Variants in PRKG1 observed in about 807,000 individuals in gnomAD.
PRKG1 encodes the protein cGMP-dependent protein kinase 1.
In PRKG1, 35 loss-of-function variants were observed where a neutral mutation model predicts 88.1. That is an observed-to-expected ratio of 0.40 (90% CI 0.30 to 0.53). The LOEUF is 0.53. Among genes scored for constraint, PRKG1 ranks in the 20% least tolerant of loss-of-function variants. The pLI, the probability that PRKG1 is intolerant of heterozygous loss-of-function variation, is 0.59. For synonymous variants in PRKG1, 303 were observed against 292.5 expected (o/e 1.04, Z -0.37); for missense variants, 540 against 839.8 (o/e 0.64, Z 4.41).
chr10:51,304,072 G>A (rs1840967708), intron 2 of PRKG1, among the ~76,000 whole-genome samples: 1 of 151,950 alleles, frequency 6.6e-6, no homozygotes, highest in South Asian at 2.1e-4. Flanking sequence ...TGCCCACCTC[G>A]GCCTCCCAAA....
chr10:51,938,050 A>G (rs574399079), intron 5 of PRKG1, among the ~76,000 whole-genome samples: 2 of 152,092 alleles, frequency 1.3e-5, no homozygotes, highest in African/African-American at 4.8e-5. Flanking sequence ...ATCTAAAATC[A>G]CCTGAAGCAG....
intron 5 of PRKG1, among the ~76,000 whole-genome samples, chr10:52,005,764 C>T (rs1457132525): frequency 6.6e-6 from 1 of 152,070 alleles, no homozygotes; most frequent in Non-Finnish European, 1.5e-5. Flanking sequence ...CCAATCTTAC[C>T]TCCCATAGCC....
At chr10:51,380,840 C>T (rs56293843) in intron 2 of PRKG1, among the ~76,000 whole-genome samples, 5 of 152,098 alleles carry the variant, frequency 3.3e-5, no homozygotes, top group African/African-American at 1.2e-4. Flanking sequence ...GAAACTTAGG[C>T]GACGTCCAGG....
chr10:51,507,335 T>A (rs2132053451), intron 3 of PRKG1, among the ~76,000 whole-genome samples: 1 of 151,932 alleles, frequency 6.6e-6, no homozygotes, highest in South Asian at 2.1e-4. Flanking sequence ...AAAAAAGAAT[T>A]CAGAATTGGG....
intron 2 of PRKG1, among the ~76,000 whole-genome samples, chr10:51,459,948 A>T (rs1839703043): frequency 6.6e-6 from 1 of 152,154 alleles, no homozygotes; most frequent in Non-Finnish European, 1.5e-5. Context: ...AGTTAATATG[A>T]TAAATAGTGG....
At chr10:51,184,511 A>C (rs368217378) in intron 2 of PRKG1, among the ~76,000 whole-genome samples, 19 of 152,320 alleles carry the variant, frequency 1.2e-4, no homozygotes, top group East Asian at 1.2e-3. Flanking sequence ...AGCCATGGTA[A>C]TTTAGAAGAA....
In PRKG1 at chr10:51,968,794, G is replaced by A. The variant is rs1420871217; in HGVS notation, c.762+61224G>A. On this transcript the variant is annotated intron_variant, in intron 5 of 17. Transcript: ENST00000373980. Reference sequence around the variant, plus strand: ...GCCAAGATCATGCCACTGCACTCCAGCCTGAGCGACAGAGCAAAACTCCAT... The same window carrying A: ...GCCAAGATCATGCCACTGCACTCCAACCTGAGCGACAGAGCAAAACTCCAT... Among the ~76,000 whole-genome samples, 8 of 141,392 alleles carry A rather than the reference G, an allele frequency of 5.7e-5. No individual in the cohort carries two copies. In the East Asian group the frequency reaches 1.5e-3, roughly 26 times the overall value. 92.8% of individuals were successfully genotyped at this position (141,392 alleles called of 152,430 possible).
intron 1 of PRKG1, among the ~76,000 whole-genome samples, chr10:51,075,449 A>G (rs1843924485): frequency 6.6e-6 from 1 of 152,268 alleles, no homozygotes; most frequent in Non-Finnish European, 1.5e-5. Context: ...GCAAATAGGC[A>G]TAGAAAAAGG....
chr10:51,581,423 A>G (rs1043328304), intron 3 of PRKG1, among the ~76,000 whole-genome samples: 1 of 152,158 alleles, frequency 6.6e-6, no homozygotes, highest in Non-Finnish European at 1.5e-5. Context: ...GAGGCCTAGA[A>G]TAGCCATGGC....
chr10:51,980,144 C>T (rs563452920), intron 5 of PRKG1, among the ~76,000 whole-genome samples: 1 of 152,088 alleles, frequency 6.6e-6, no homozygotes, highest in South Asian at 2.1e-4. Context: ...CTTAAGACTG[C>T]CTTACCTGTG....
chr10:52,052,582 A>T (rs1846014715), intron 5 of PRKG1, among the ~76,000 whole-genome samples: 1 of 152,052 alleles, frequency 6.6e-6, no homozygotes, highest in Admixed American at 6.6e-5. Context: ...TGGACTCAAC[A>T]TTCCACATGG....
chr10:52,208,613 C>T (rs982190308), intron 9 of PRKG1, among the ~76,000 whole-genome samples: 1 of 152,134 alleles, frequency 6.6e-6, no homozygotes, highest in Non-Finnish European at 1.5e-5. Context: ...CACTTACACG[C>T]CATTAATGTT....
rs186927019 is a variant in PRKG1, at chr10:51,120,356, C to T, written c.312-32808C>T. Among the ~76,000 whole-genome samples the T allele has an allele frequency of 4.2e-3, 645 of 152,154 alleles. 1 individual carries two copies. The highest frequency in any genetic ancestry group is 5.1e-3 in the Non-Finnish European group (347 of 68,010). On this transcript the variant is annotated intron_variant, in intron 1 of 17. Transcript: ENST00000373980. ...GCCCAAATCACAACAAACTACAAGGCCCCCTGTGAAGAGGAAAAAGGTGTA... is the reference window on the plus strand; with the variant it reads ...GCCCAAATCACAACAAACTACAAGGTCCCCTGTGAAGAGGAAAAAGGTGTA...
chr10:51,282,136 C>T (rs1021796565), intron 2 of PRKG1, among the ~76,000 whole-genome samples: 6 of 151,706 alleles, frequency 4.0e-5, no homozygotes, highest in Admixed American at 2.0e-4. Flanking sequence ...CATGCTTTGA[C>T]GTTGGAGGAC....
At chr10:51,720,462 C>A (rs908938239) in intron 3 of PRKG1, among the ~76,000 whole-genome samples, 22 of 152,162 alleles carry the variant, frequency 1.4e-4, no homozygotes, top group African/African-American at 5.1e-4. Flanking sequence ...CCTGTCATGT[C>A]CTGTGCGAAG....
intron 12 of PRKG1, among the ~76,000 whole-genome samples, chr10:52,273,030 A>C (rs1314502339): frequency 6.6e-6 from 1 of 151,964 alleles, no homozygotes; most frequent in African/African-American, 2.4e-5. Flanking sequence ...TCCACTTATA[A>C]GCAATATTTC....
At chr10:51,059,929 ATT>A (rs1843675527) in intron 1 of PRKG1, among the ~76,000 whole-genome samples, 1 of 152,318 alleles carries the variant, frequency 6.6e-6, no homozygotes, top group African/African-American at 2.4e-5. Context: ...CTAATAAGAT[ATT>A]AGATTTGTCT....
chr10:51,781,339 G>A (rs368601325), intron 3 of PRKG1, among the ~76,000 whole-genome samples: 8 of 152,176 alleles, frequency 5.3e-5, no homozygotes, highest in African/African-American at 1.9e-4. Context: ...CAAGCCATTG[G>A]TTACAAAGCT....
At chr10:51,549,096 TCTTTC>T (rs1842513248) in intron 3 of PRKG1, among the ~76,000 whole-genome samples, 1 of 148,122 alleles carries the variant, frequency 6.8e-6, no homozygotes, top group Non-Finnish European at 1.5e-5. Context: ...TTCCCTTCCT[TCTTTC>T]CTTTCTTTCT....
Sources: gnomAD v4.1 joint callset for allele counts (sites outside exome capture counted in the v4.1 genomes callset) on GRCh38, gnomAD v4.1.1 for gene constraint, MANE v1.5 for transcripts, NCBI Gene and HGNC (gene_info 2026-07-23, HGNC 2026-07-21) for gene names.